OPCML: variants seen among roughly 807,000 people sequenced by gnomAD.
OPCML encodes opioid binding protein/cell adhesion molecule like.
Under a neutral mutation model 37.8 loss-of-function variants are expected in OPCML, and 13 were observed. That is an observed-to-expected ratio of 0.34 (90% CI 0.22 to 0.55). OPCML has a LOEUF of 0.55. Ranked by LOEUF, OPCML falls within the 20% of genes least tolerant of loss-of-function variation. The pLI is 0.91. For synonymous variants in OPCML, 176 were observed against 168.8 expected, an observed-to-expected ratio of 1.04 and a Z score of -0.33; for missense variants, 341 against 435.6, an observed-to-expected ratio of 0.78 and a Z score of 1.93.
At chr11:132,426,026 C>T (rs2095976677) in intron 7 of OPCML, among the ~76,000 whole-genome samples, 1 of 152,172 alleles carries the variant, frequency 6.6e-6, no homozygotes, top group African/African-American at 2.4e-5. Flanking sequence ...GCACCTCCTC[C>T]TTCACCCTTT....
chr11:132,625,185 T>C (rs1303288356), intron 3 of OPCML, among the ~76,000 whole-genome samples: 6 of 152,266 alleles, frequency 3.9e-5, no homozygotes, highest in African/African-American at 1.4e-4. Flanking sequence ...TGTTCATTGT[T>C]TTTTGTTTTT....
At chr11:132,511,817 T>A (rs890748839) in intron 4 of OPCML, among the ~76,000 whole-genome samples, 1 of 151,840 alleles carries the variant, frequency 6.6e-6, no homozygotes, top group Admixed American at 6.6e-5. Context: ...AAACATAGAA[T>A]ATAACGTTTT....
At chr11:133,271,223 T>C (rs1382298636) in intron 1 of OPCML, among the ~76,000 whole-genome samples, 1 of 152,158 alleles carries the variant, frequency 6.6e-6, no homozygotes, top group Non-Finnish European at 1.5e-5. Context: ...TTAAAAAGGG[T>C]AACATACATA....
chr11:133,412,132 T>G (rs1370694452), intron 1 of OPCML, among the ~76,000 whole-genome samples: 2 of 152,200 alleles, frequency 1.3e-5, no homozygotes, highest in Non-Finnish European at 2.9e-5. Context: ...TCCCAAGGTG[T>G]GATGAATGCA....
At chr11:132,718,575 T>C (rs1944571581) in intron 2 of OPCML, among the ~76,000 whole-genome samples, 1 of 152,184 alleles carries the variant, frequency 6.6e-6, no homozygotes, top group South Asian at 2.1e-4. Context: ...TCTGTGTCCC[T>C]GCACAGCTCC....
intron 1 of OPCML, among the ~76,000 whole-genome samples, chr11:133,171,453 C>T (rs7949158): frequency 0.42 from 63,185 of 152,024 alleles, 13,685 homozygotes; most frequent in South Asian, 0.54. Flanking sequence ...TCTCATATAA[C>T]CCATAGTGTT....
chr11:133,231,726 T>C (rs1192543124), intron 1 of OPCML, among the ~76,000 whole-genome samples: 2 of 152,170 alleles, frequency 1.3e-5, no homozygotes, highest in African/African-American at 2.4e-5. Flanking sequence ...TGAGATGTGG[T>C]TTCCTTCATG....
At position 132,583,472 on chromosome 11, in the gene OPCML, A is replaced by AT. The variant is rs988701386; in HGVS notation, c.380-54287dup. ...TGCCACTGTGCCAGGCTAACTTTTT[A>AT]TTTTTTTTATGAAATTGTGGGTCTT... On this transcript the variant is annotated intron_variant, in intron 3 of 7. Transcript: ENST00000524381. Among the ~76,000 whole-genome samples the AT allele has an allele frequency of 4.6e-5, 7 of 151,182 alleles. No homozygotes were observed. The East Asian group carries it at 7.9e-4, about 17-fold the overall frequency.
chr11:133,278,380 A>G (rs1942050744), intron 1 of OPCML, among the ~76,000 whole-genome samples: 1 of 152,174 alleles, frequency 6.6e-6, no homozygotes, highest in Non-Finnish European at 1.5e-5. Flanking sequence ...AAGGTTCTTT[A>G]TAAATCTCTT....
chr11:132,724,510 G>T (rs1397182701), intron 2 of OPCML, among the ~76,000 whole-genome samples: 1 of 151,988 alleles, frequency 6.6e-6, no homozygotes, highest in Non-Finnish European at 1.5e-5. Context: ...GAAGAGATTT[G>T]GGTGGGGACA....
At chr11:133,217,937 C>G (rs501471) in intron 1 of OPCML, among the ~76,000 whole-genome samples, 41,536 of 151,442 alleles carry the variant, frequency 0.27, 7,236 homozygotes, top group African/African-American at 0.48. Flanking sequence ...TCCCAGCTAC[C>G]TGGGAGGCTG....
chr11:133,224,991 G>T (rs903012804), intron 1 of OPCML, among the ~76,000 whole-genome samples: 1 of 152,144 alleles, frequency 6.6e-6, no homozygotes, highest in Admixed American at 6.5e-5. Context: ...ATCAACGCTT[G>T]CAGTCATCTC....
At chr11:133,145,068 C>T (rs1424808958) in intron 1 of OPCML, among the ~76,000 whole-genome samples, 1 of 152,142 alleles carries the variant, frequency 6.6e-6, no homozygotes, top group African/African-American at 2.4e-5. Context: ...AAAACGGCAG[C>T]GAGTGAGACC....
intron 2 of OPCML, among the ~76,000 whole-genome samples, chr11:132,730,544 G>A (rs1030782801): frequency 1.3e-5 from 2 of 152,108 alleles, no homozygotes; most frequent in Admixed American, 1.3e-4. Flanking sequence ...TGGAACTCAG[G>A]AAGATAACCC....
chr11:132,990,367 C>G (rs1398413211), intron 1 of OPCML, among the ~76,000 whole-genome samples: 1 of 152,224 alleles, frequency 6.6e-6, no homozygotes, highest in Non-Finnish European at 1.5e-5. Context: ...TCTCCTCTCT[C>G]AACATTTCTG....
intron 1 of OPCML, among the ~76,000 whole-genome samples, chr11:132,969,612 T>C (rs1350700533): frequency 6.6e-6 from 1 of 152,200 alleles, no homozygotes; most frequent in Non-Finnish European, 1.5e-5. Context: ...CTTCACACTT[T>C]TTTCTCTGTT....
chr11:133,160,473 C>T (rs1273087906), intron 1 of OPCML, among the ~76,000 whole-genome samples: 3 of 152,204 alleles, frequency 2.0e-5, no homozygotes, highest in Non-Finnish European at 4.4e-5. Flanking sequence ...AACTGACCTG[C>T]TTGCTACATT....
chr11:132,425,115 A>T (rs1348842532), intron 7 of OPCML, among the ~76,000 whole-genome samples: 1 of 152,326 alleles, frequency 6.6e-6, no homozygotes, highest in East Asian at 1.9e-4. Context: ...GAAGTCGTTC[A>T]TTCAACATAT....
At chr11:132,487,182 G>A (rs1289030065) in intron 4 of OPCML, among the ~76,000 whole-genome samples, 1 of 152,176 alleles carries the variant, frequency 6.6e-6, no homozygotes, top group Non-Finnish European at 1.5e-5. Flanking sequence ...AAGAAAAACA[G>A]GTTGACTCGG....
Sources: gnomAD v4.1 joint callset for allele counts (sites outside exome capture counted in the v4.1 genomes callset) on GRCh38, gnomAD v4.1.1 for gene constraint, MANE v1.5 for transcripts, NCBI Gene and HGNC (gene_info 2026-07-23, HGNC 2026-07-21) for gene names.